NR3C2: variants seen among roughly 807,000 people sequenced by gnomAD.
NR3C2 encodes mineralocorticoid receptor.
Under a neutral mutation model 86.4 loss-of-function variants are expected in NR3C2, and 15 were observed. The observed-to-expected ratio is 0.17, with a 90% CI of 0.12 to 0.27. The LOEUF (loss-of-function observed/expected upper bound fraction) is 0.27. NR3C2 is among the 10% of genes least tolerant of loss of function. NR3C2 has a pLI of 1.00. For synonymous variants in NR3C2, 458 were observed against 450.5 expected (o/e 1.02, Z -0.21); for missense variants, 960 against 1,195.6 (o/e 0.80, Z 2.91).
chr4:148,413,574 T>A (rs1419149996), intron 2 of NR3C2, among the ~76,000 whole-genome samples: 3 of 151,982 alleles, frequency 2.0e-5, no homozygotes, highest in Non-Finnish European at 4.4e-5. Flanking sequence ...GGAGAGCATA[T>A]TTTCAACTCA....
At chr4:148,140,366 C>T (rs922451826) in intron 6 of NR3C2, among the ~76,000 whole-genome samples, 1 of 152,058 alleles carries the variant, frequency 6.6e-6, no homozygotes, top group Non-Finnish European at 1.5e-5. Context: ...GAAGCCCTGT[C>T]TCTAAAAAAT....
chr4:148,435,861 A>C lies in NR3C2; in HGVS notation c.1000T>G (p.Cys334Gly). Residue 334 changes from cysteine (C) to glycine (G), a missense_variant, in exon 2 of 9, where the codon TGT (cysteine) becomes GGT (glycine). By Grantham distance (159) the Cys-to-Gly change is radical (BLOSUM62 -3). Coordinates refer to ENST00000358102, the MANE Select transcript of NR3C2 (RefSeq NM_000901.5). ...SPAASTVGSICSPVNNAFSYT... is the reference protein window; with the variant it reads ...SPAASTVGSIGSPVNNAFSYT... ...CTGAAGGCATTGTTTACAGGGCTAC[A>C]GATAGATCCCACAGTACTGGCTGCC... The C allele has an allele frequency of 6.2e-7, 1 of 1,614,238 alleles. No homozygotes were observed. The highest frequency in any genetic ancestry group is 8.5e-7 in the Non-Finnish European group (1 of 1,180,036).
chr4:148,091,224 A>G (rs1046863918), intron 8 of NR3C2, among the ~76,000 whole-genome samples: 1 of 152,250 alleles, frequency 6.6e-6, no homozygotes. Context: ...TGAGAATCCA[A>G]GCGGGGGCCC....
chr4:148,386,457 G>A (rs1747267253), intron 2 of NR3C2, among the ~76,000 whole-genome samples: 1 of 152,166 alleles, frequency 6.6e-6, no homozygotes. Context: ...CCAACTTCAC[G>A]TGTGGGGATG....
chr4:148,136,335 G>A (rs1578924799), intron 6 of NR3C2, among the ~76,000 whole-genome samples: 1 of 151,706 alleles, frequency 6.6e-6, no homozygotes, highest in East Asian at 1.9e-4. Flanking sequence ...AGGAGAAAGA[G>A]TGGGGGACCA....
intron 4 of NR3C2, among the ~76,000 whole-genome samples, chr4:148,159,170 A>G (rs1734542840): frequency 6.6e-6 from 1 of 152,206 alleles, no homozygotes; most frequent in Non-Finnish European, 1.5e-5. Flanking sequence ...ATAACATCAT[A>G]TCACTTCCCA....
At chr4:148,158,408 A>G (rs1214679011) in intron 4 of NR3C2, among the ~76,000 whole-genome samples, 1 of 152,248 alleles carries the variant, frequency 6.6e-6, no homozygotes, top group African/African-American at 2.4e-5. Context: ...AAAAATGGGC[A>G]TGACAATGTC....
At chr4:148,388,876 C>T (rs2126481430) in intron 2 of NR3C2, among the ~76,000 whole-genome samples, 1 of 152,274 alleles carries the variant, frequency 6.6e-6, no homozygotes, top group South Asian at 2.1e-4. Flanking sequence ...CTTAAGGGAC[C>T]TGGGTAACAT....
At chr4:148,157,475 T>G (rs1226402555) in intron 4 of NR3C2, among the ~76,000 whole-genome samples, 2 of 152,130 alleles carry the variant, frequency 1.3e-5, no homozygotes, top group African/African-American at 4.8e-5. Context: ...AAATATAAGA[T>G]CACACATCTT....
chr4:148,204,669 G>C (rs1736912213), intron 3 of NR3C2, among the ~76,000 whole-genome samples: 1 of 152,060 alleles, frequency 6.6e-6, no homozygotes, highest in African/African-American at 2.4e-5. Context: ...AGGACAAAAT[G>C]GTGCAGAAAC....
chr4:148,391,150 C>A (rs1747527571), intron 2 of NR3C2, among the ~76,000 whole-genome samples: 1 of 152,098 alleles, frequency 6.6e-6, no homozygotes, highest in African/African-American at 2.4e-5. Flanking sequence ...TAAATAATAT[C>A]CCACACATAT....
At chr4:148,130,834 T>TTG in intron 6 of NR3C2, among the ~76,000 whole-genome samples, 1 of 130,274 alleles carries the variant, frequency 7.7e-6, no homozygotes, top group African/African-American at 2.8e-5. Context: ...TTTTTTTTTT[T>TTG]TTTTTTTGAG....
intron 2 of NR3C2, among the ~76,000 whole-genome samples, chr4:148,274,637 G>A (rs530613370): frequency 6.6e-6 from 1 of 151,930 alleles, no homozygotes; most frequent in African/African-American, 2.4e-5. Context: ...CTCCAGTCAT[G>A]CAGAACTGTG....
At chr4:148,270,672 A>C (rs974354555) in intron 2 of NR3C2, among the ~76,000 whole-genome samples, 1 of 152,190 alleles carries the variant, frequency 6.6e-6, no homozygotes, top group Admixed American at 6.6e-5. Context: ...TTTTTCATTA[A>C]GAATTCCCCC....
chr4:148,315,634 G>C (rs1388972259), intron 2 of NR3C2, among the ~76,000 whole-genome samples: 1 of 152,092 alleles, frequency 6.6e-6, no homozygotes, highest in East Asian at 1.9e-4. Flanking sequence ...AAGTATTTAT[G>C]AACAACAGAA....
chr4:148,411,858 A>C (rs1424761633), intron 2 of NR3C2, among the ~76,000 whole-genome samples: 1 of 152,214 alleles, frequency 6.6e-6, no homozygotes, highest in East Asian at 1.9e-4. Flanking sequence ...TACCAAGATG[A>C]AGGAACTCCA....
chr4:148,175,175 AACAC>A (rs1735315716), intron 4 of NR3C2, among the ~76,000 whole-genome samples: 1 of 152,164 alleles, frequency 6.6e-6, no homozygotes, highest in Admixed American at 6.5e-5. Context: ...AACAAAACAA[AACAC>A]ACACAAAAAA....
At chr4:148,220,463 C>G (rs1259946997) in intron 3 of NR3C2, among the ~76,000 whole-genome samples, 1 of 152,062 alleles carries the variant, frequency 6.6e-6, no homozygotes, top group Non-Finnish European at 1.5e-5. Context: ...GGAGAGAAAC[C>G]ATAAGTTAAG....
intron 8 of NR3C2, among the ~76,000 whole-genome samples, chr4:148,094,141 A>T: frequency 6.6e-6 from 1 of 152,328 alleles, no homozygotes; most frequent in East Asian, 1.9e-4. Flanking sequence ...TAAAACTGCA[A>T]TGAGATAGCA....
Sources: gnomAD v4.1 joint callset for allele counts (sites outside exome capture counted in the v4.1 genomes callset) on GRCh38, gnomAD v4.1.1 for gene constraint, MANE v1.5 for transcripts, NCBI Gene and HGNC (gene_info 2026-07-23, HGNC 2026-07-21) for gene names.